Variants in TNNI3 observed in about 807,000 individuals in gnomAD.
TNNI3 encodes the protein troponin I, cardiac muscle.
A neutral mutation model predicts 31.5 loss-of-function variants in TNNI3; 23 were observed. That is an observed-to-expected ratio of 0.73 (90% CI 0.52 to 1.03). TNNI3 has a LOEUF of 1.03. Among genes scored for constraint, TNNI3 ranks in the 50% least tolerant of loss-of-function variants. The pLI, the probability that TNNI3 is intolerant of heterozygous loss-of-function variation, is 0.00. For synonymous variants in TNNI3, 120 were observed against 111.7 expected (o/e 1.07, Z -0.47); for missense variants, 236 against 282.9 (o/e 0.83, Z 1.19).
chr19:55,156,738 G>A lies in TNNI3; in HGVS notation c.109-94C>T, dbSNP rs1484739032. 2 of 1,427,332 alleles carry A rather than the reference G, an allele frequency of 1.4e-6. No individual in the cohort carries two copies. Among genetic ancestry groups the A allele is most frequent in the South Asian group, 1.2e-5 (1 of 81,478 alleles). 88.4% of individuals were successfully genotyped at this position (1,427,332 alleles called of 1,614,324 possible). ...CAAGACACCCCCAGCAAACCCAGCC[G>A]GTCCAGATTTGGGCCCACGTCCAAC... On this transcript the variant is annotated intron_variant, in intron 3 of 7. Coordinates refer to ENST00000344887, the MANE Select transcript of TNNI3 (RefSeq NM_000363.5). This position sits in a 1 kb window ranked among gnomAD's most constrained non-coding sequence, Gnocchi z 4.6.
rs187194977 is a variant in TNNI3 at position 55,156,054 on chromosome 19, G to A, written c.282+147C>T. The A allele has an allele frequency of 7.5e-6, 9 of 1,207,774 alleles. No homozygotes were observed. Among genetic ancestry groups the A allele is most frequent in the Admixed American group, 2.0e-5 (1 of 50,780 alleles). The allele number at this position is 1,207,774 out of a possible 1,614,324, so 74.8% of individuals were successfully genotyped here. ...AAGACTCCACAGACCTGCACACAAA[G>A]GGTGTTAGGGGCCAGGAGTCCCACG... On this transcript the variant is annotated intron_variant, in intron 5 of 7. Coordinates refer to ENST00000344887, the MANE Select transcript of TNNI3 (RefSeq NM_000363.5). This position sits in a 1 kb window ranked among gnomAD's most constrained non-coding sequence, Gnocchi z 4.6.
chr19:55,156,873 C>T lies in TNNI3; in HGVS notation c.108+177G>A, dbSNP rs1177512856. The T allele has an allele frequency of 6.8e-6, 6 of 883,138 alleles. No individual in the cohort carries two copies. The highest frequency in any genetic ancestry group is 2.6e-5 in the East Asian group (1 of 37,830). The allele number at this position is 883,138 out of a possible 1,614,324, so 54.7% of individuals were successfully genotyped here. On this transcript the variant is annotated intron_variant, in intron 3 of 7. Transcript: ENST00000344887. This position sits in a 1 kb window ranked among gnomAD's most constrained non-coding sequence, Gnocchi z 4.6. ...TATCCCTAAGCAAGTCCGAGGGCAACGGAGTTCCGCCCGCAGGCTGCTGTC... is the reference window on the plus strand; with the variant it reads ...TATCCCTAAGCAAGTCCGAGGGCAATGGAGTTCCGCCCGCAGGCTGCTGTC...
In TNNI3 at chr19:55,156,653, G is replaced by C; in HGVS notation, c.109-9C>G. The C allele has an allele frequency of 6.4e-7, 1 of 1,563,294 alleles. No homozygotes were observed. The highest frequency in any genetic ancestry group is 1.2e-5 in the South Asian group (1 of 85,272). On this transcript the variant is annotated splice_polypyrimidine_tract_variant and intron_variant, in intron 3 of 7. Coordinates refer to ENST00000344887, the MANE Select transcript of TNNI3 (RefSeq NM_000363.5). The surrounding 1 kb of genome is among the most constrained non-coding windows in gnomAD (Gnocchi z 4.6). Reference sequence around the variant, plus strand: ...GAGATCTTAGATTTTTTCTGCCAGGGTGAGATGGAGCAAGGAAGGATCATG... The same window carrying C: ...GAGATCTTAGATTTTTTCTGCCAGGCTGAGATGGAGCAAGGAAGGATCATG...
At position 55,157,502 on chromosome 19, in the gene TNNI3, C is replaced by T; in HGVS notation, c.11+77G>A. On this transcript the variant is annotated intron_variant, in intron 1 of 7. Coordinates refer to ENST00000344887, the MANE Select transcript of TNNI3 (RefSeq NM_000363.5). This position sits in a 1 kb window ranked among gnomAD's most constrained non-coding sequence, Gnocchi z 6.3. Reference sequence around the variant, plus strand: ...TACGCCTACCTCGCAGGCCAAGGGTCCAGCCTCTCAGCTGCGACCCCTCTT... The same window carrying T: ...TACGCCTACCTCGCAGGCCAAGGGTTCAGCCTCTCAGCTGCGACCCCTCTT... 6.2e-7 allele frequency: 1 copy of T among 1,602,210 alleles called. No homozygotes were observed. The highest frequency in any genetic ancestry group is 8.5e-7 in the Non-Finnish European group (1 of 1,171,130).
At position 55,154,080 on chromosome 19, in the gene TNNI3, G is replaced by A. The variant is rs1599909114; in HGVS notation, c.499C>T (p.Leu167=). ...ALLGARAKES[L]DLRAHLKQVK... ...TGCTTGAGGTGGGCCCGCAGGTCCA[G>A]GGACTCCTTAGCCCGGGCCCCCAGC... The change falls in exon 7 of 8, where the codon CTG becomes TTG. Residue 167 remains leucine (L), a synonymous_variant. Transcript: ENST00000344887. 1.2e-6 allele frequency: 2 copies of A among 1,612,912 alleles called. No homozygotes were observed. Among genetic ancestry groups the A allele is most frequent in the Non-Finnish European group, 1.7e-6 (2 of 1,179,968 alleles).
chr19:55,151,947 G>T (rs375116948), intron 7 of TNNI3, 30 bp from the exon 8 acceptor site: 3 of 1,606,914 alleles, frequency 1.9e-6, no homozygotes, highest in Non-Finnish European at 8.5e-7. Flanking sequence ...CAGAGGTTAG[G>T]GTCTCTTCTT....
rs1035860885 is a variant in TNNI3, at chr19:55,156,837, C to G, written c.109-193G>C. On this transcript the variant is annotated intron_variant, in intron 3 of 7. Transcript: ENST00000344887. This position sits in a 1 kb window ranked among gnomAD's most constrained non-coding sequence, Gnocchi z 4.6. ...ATCTGGGTCTCTTCCTTTGGATAGG[C>G]ACTTCCCATCTATCCCTAAGCAAGT... 1 of 826,766 alleles carries G rather than the reference C, an allele frequency of 1.2e-6. No homozygotes were observed. Among genetic ancestry groups the G allele is most frequent in the Admixed American group, 2.1e-5 (1 of 48,444 alleles). The allele number at this position is 826,766 out of a possible 1,614,324, so 51.2% of individuals were successfully genotyped here.
Position 55,157,470 on chromosome 19 carries a change from G to T in TNNI3, c.11+109C>A. 1 of 1,577,312 alleles carries T rather than the reference G, an allele frequency of 6.3e-7. No individual in the cohort carries two copies. Among genetic ancestry groups the T allele is most frequent in the Non-Finnish European group, 8.7e-7 (1 of 1,151,236 alleles). Reference sequence around the variant, plus strand: ...AAACCCACTTCCTCTCTTCACCCAAGAGTCCCTACGCCTACCTCGCAGGCC... The same window carrying T: ...AAACCCACTTCCTCTCTTCACCCAATAGTCCCTACGCCTACCTCGCAGGCC... On this transcript the variant is annotated intron_variant, in intron 1 of 7. Transcript: ENST00000344887. The surrounding 1 kb of genome is among the most constrained non-coding windows in gnomAD (Gnocchi z 6.3).
chr19:55,151,862 T>C lies in TNNI3; in HGVS notation c.605A>G (p.Glu202Gly). The C allele has an allele frequency of 6.2e-7, 1 of 1,614,104 alleles. No individual in the cohort carries two copies. Among genetic ancestry groups the C allele is most frequent in the Non-Finnish European group, 8.5e-7 (1 of 1,179,976 alleles). The change falls in exon 8 of 8, where the codon GAG becomes GGG. Residue 202 changes from glutamate to glycine, a missense_variant. Transcript: ENST00000344887. ...GCTCTCAAACTTTTTCTTGCGGCCC[T>C]CCATTCCACTCAGTGCATCGATGTT... ...RKNIDALSGM[E>G]GRKKKFES is the part of the protein sequence containing the mutation.
chr19:55,151,983 G>A, intron 7 of TNNI3, 66 bp from the exon 8 acceptor site: 3 of 1,481,624 alleles, frequency 2.0e-6, no homozygotes, highest in Non-Finnish European at 2.8e-6. Context: ...AAGAATCCCT[G>A]TCTTCCCTCC....
At chr19:55,154,586 T>C (rs531644969) in intron 6 of TNNI3, 155 bp downstream of exon 6, 47 of 734,948 alleles carry the variant, frequency 6.4e-5, no homozygotes, top group Admixed American at 1.4e-4. Flanking sequence ...TTGACTATAT[T>C]GTACTCATCC....
chr19:55,154,196 A>T lies in TNNI3; in HGVS notation c.383T>A (p.Leu128Gln). The T allele has an allele frequency of 6.2e-7, 1 of 1,612,320 alleles. No homozygotes were observed. The highest frequency in any genetic ancestry group is 8.5e-7 in the Non-Finnish European group (1 of 1,180,014). ...VTKNITEIAD[L>Q]TQKIFDLRGK... ...TCGAAGGTCAAAGATCTTCTGAGTC[A>T]GATCTGCAATCTGGGGGCACACGAG... is the stretch of plus-strand genomic sequence containing the variant. Residue 128 changes from leucine (L) to glutamine (Q), a missense_variant, in exon 7 of 8, where the codon CTG becomes CAG. Physicochemically the swap from Leu to Gln is moderately radical, Grantham distance 113 (BLOSUM62 -2). Coordinates refer to ENST00000344887, the MANE Select transcript of TNNI3 (RefSeq NM_000363.5).
At position 55,156,594 on chromosome 19, in the gene TNNI3, C is replaced by A. The variant is rs750675608; in HGVS notation, c.150+9G>T. 1.2e-5 allele frequency: 18 copies of A among 1,561,168 alleles called. No individual in the cohort carries two copies. In the African/African-American group the frequency reaches 1.9e-4, roughly 17 times the overall value. Reference sequence around the variant, plus strand: ...CTGCCTGCTCTTTCCCAGTCCCGCCCGTCCTCACCTTCAGCTGCAATTTTC... The same window carrying A: ...CTGCCTGCTCTTTCCCAGTCCCGCCAGTCCTCACCTTCAGCTGCAATTTTC... On this transcript the variant is annotated intron_variant, in intron 4 of 7. Coordinates refer to ENST00000344887, the MANE Select transcript of TNNI3 (RefSeq NM_000363.5). This position sits in a 1 kb window ranked among gnomAD's most constrained non-coding sequence, Gnocchi z 4.6.
At chr19:55,151,997 C>T in intron 7 of TNNI3, 80 bp from the exon 8 acceptor site, 1 of 1,323,218 alleles carries the variant, frequency 7.6e-7, no homozygotes, top group South Asian at 1.2e-5. Flanking sequence ...TCCCTCCAGC[C>T]TGTGGGGCCA....
chr19:55,153,414 G>C (rs1038530720), intron 7 of TNNI3, among the ~76,000 whole-genome samples: 3 of 151,916 alleles, frequency 2.0e-5, no homozygotes, highest in Admixed American at 6.6e-5. Flanking sequence ...TCACTGTATT[G>C]CCCAGGCTGG....
At position 55,153,096 on chromosome 19, in the gene TNNI3, T is replaced by C. The variant is rs141909204; in HGVS notation, c.549+934A>G. On this transcript the variant is annotated intron_variant, in intron 7 of 7. Transcript: ENST00000344887. ...TACAGGCACGAGCCACCACACCCGG[T>C]AACTTTGGTATTTTTTATAGAGACA... 3.2e-3 allele frequency among the ~76,000 whole-genome samples: 479 copies of C among 151,972 alleles called. 3 individuals are homozygous for C. Among genetic ancestry groups the C allele is most frequent in the African/African-American group, 0.011 (450 of 41,442 alleles).
chr19:55,151,802 C>G lies in TNNI3; in HGVS notation c.*32G>C. The G allele has an allele frequency of 6.2e-7, 1 of 1,604,382 alleles. No individual in the cohort carries two copies. The highest frequency in any genetic ancestry group is 2.2e-5 in the East Asian group (1 of 44,754). Reference sequence around the variant, plus strand: ...GAGAGAAGCTTTATTCCTCAGGGCCCTCCTCAGGGCAGGGGCAGTAGGCAG... The same window carrying G: ...GAGAGAAGCTTTATTCCTCAGGGCCGTCCTCAGGGCAGGGGCAGTAGGCAG... On this transcript the variant is annotated 3_prime_UTR_variant, in exon 8 of 8. Transcript: ENST00000344887.
In TNNI3 at chr19:55,157,218, C is replaced by G. The variant is rs2085739928; in HGVS notation, c.24+78G>C. The G allele has an allele frequency of 3.2e-5, 52 of 1,600,280 alleles. No homozygotes were observed. In the South Asian group the frequency reaches 5.6e-4, roughly 17 times the overall value. On this transcript the variant is annotated intron_variant, in intron 2 of 7. Coordinates refer to ENST00000344887, the MANE Select transcript of TNNI3 (RefSeq NM_000363.5). The surrounding 1 kb of genome is among the most constrained non-coding windows in gnomAD (Gnocchi z 6.3). ...CCGCACCCTCTGCTAGGGCTGCAGC[C>G]TCCCGCCCCAGACCCCTCACTGCAG... is the stretch of plus-strand genomic sequence containing the variant.
Position 55,157,259 on chromosome 19 carries a change from T to C in TNNI3, c.24+37A>G. On this transcript the variant is annotated intron_variant, in intron 2 of 7. Transcript: ENST00000344887. This position sits in a 1 kb window ranked among gnomAD's most constrained non-coding sequence, Gnocchi z 6.3. ...CTCACTGCAGCGCCCACCCTGGCCC[T>C]GGGGGTCCCAGCCACGCCTTAGCCC... The C allele has an allele frequency of 6.2e-7, 1 of 1,610,368 alleles. No homozygotes were observed. Among genetic ancestry groups the C allele is most frequent in the South Asian group, 1.1e-5 (1 of 90,546 alleles).
Sources: allele counts gnomAD v4.1 joint callset (sites outside exome capture counted in the v4.1 genomes callset), GRCh38; gene constraint gnomAD v4.1.1; non-coding constraint Gnocchi (gnomAD v3.1); transcripts MANE v1.5; gene names NCBI Gene and HGNC (gene_info 2026-07-23, HGNC 2026-07-21).